The following CYFIP1 variants were observed in gnomAD, a reference collection of about 807,000 sequenced individuals.
CYFIP1 encodes the protein cytoplasmic FMR1-interacting protein 1.
Under a neutral mutation model 163.5 loss-of-function variants are expected in CYFIP1, and 58 were observed. The observed-to-expected ratio is 0.35, with a 90% CI of 0.29 to 0.44. CYFIP1 has a LOEUF of 0.44. Ranked by LOEUF, CYFIP1 falls within the 20% of genes least tolerant of loss-of-function variation. The pLI, the probability that CYFIP1 is intolerant of heterozygous loss-of-function variation, is 1.00. For synonymous variants in CYFIP1, 663 were observed against 660.7 expected, an observed-to-expected ratio of 1.00 and a Z score of -0.05; for missense variants, 1,338 against 1,653.8, an observed-to-expected ratio of 0.81 and a Z score of 3.31.
intron 13 of CYFIP1, among the ~76,000 whole-genome samples, chr15:22,920,843 AAAAAG>A (rs974364073): frequency 4.6e-5 from 7 of 152,180 alleles, no homozygotes; most frequent in African/African-American, 1.7e-4. Flanking sequence ...CCAATCAACA[AAAAAG>A]AAAAGTTCTA....
At chr15:22,934,010 A>G (rs2061621670) in intron 9 of CYFIP1, 117 bp from the exon 10 acceptor site, 1 of 653,752 alleles carries the variant, frequency 1.5e-6, no homozygotes, top group Non-Finnish European at 2.6e-6. Context: ...ACCTCTGCAA[A>G]TGATTCATTA....
chr15:22,916,694 C>T (rs2142102368), intron 15 of CYFIP1, 64 bp from the exon 16 acceptor site: 3 of 1,614,114 alleles, frequency 1.9e-6, no homozygotes, highest in Non-Finnish European at 2.5e-6. Flanking sequence ...TTATGCCAAA[C>T]TCAAAAAGCC....
intron 1 of CYFIP1, among the ~76,000 whole-genome samples, chr15:22,960,749 GC>G (rs1337283175): frequency 6.6e-6 from 1 of 152,222 alleles, no homozygotes; most frequent in Non-Finnish European, 1.5e-5. Flanking sequence ...CATGAGACAA[GC>G]CTGACAATAC....
chr15:22,891,600 C>T (rs897026057), intron 23 of CYFIP1, among the ~76,000 whole-genome samples: 1 of 152,212 alleles, frequency 6.6e-6, no homozygotes, highest in African/African-American at 2.4e-5. Context: ...GTAAAAAGGC[C>T]GCCCCCGGCC....
At chr15:22,908,995 C>T (rs760182596) in intron 21 of CYFIP1, among the ~76,000 whole-genome samples, 199 bp downstream of exon 21, 20 of 151,842 alleles carry the variant, frequency 1.3e-4, no homozygotes, top group African/African-American at 1.9e-4. Flanking sequence ...GTATAGGCCA[C>T]GCCCGATGAG....
At chr15:22,878,599 G>A (rs1371028212) in intron 26 of CYFIP1, among the ~76,000 whole-genome samples, 1 of 150,924 alleles carries the variant, frequency 6.6e-6, no homozygotes, top group East Asian at 2.0e-4. Flanking sequence ...CAATGTAAAG[G>A]AATGTCTTCA....
chr15:22,979,994 G>C (rs1196465555), intron 1 of CYFIP1, among the ~76,000 whole-genome samples: 2 of 152,118 alleles, frequency 1.3e-5, no homozygotes, highest in Non-Finnish European at 2.9e-5. Flanking sequence ...ACGCGGGGGC[G>C]GGGAGCTCGG....
chr15:22,914,660 C>T, intron 17 of CYFIP1, 66 bp downstream of exon 17: 3 of 1,502,594 alleles, frequency 2.0e-6, no homozygotes, highest in Non-Finnish European at 1.8e-6. Flanking sequence ...GGCCTCTCCG[C>T]CACCTCCTCT....
intron 25 of CYFIP1, 122 bp from the exon 26 acceptor site, chr15:22,880,165 G>A (rs540788049): frequency 1.5e-6 from 2 of 1,322,808 alleles, no homozygotes; most frequent in East Asian, 4.6e-5. Flanking sequence ...TATAAGGACA[G>A]CCACAACGTC....
chr15:22,921,623 C>G lies in CYFIP1; in HGVS notation c.1360-2765G>C, dbSNP rs2061180473. Reference sequence around the variant, plus strand: ...TTGAGGTCAGGAGTTCAAGACCAGCCAGGCCAACATTGGTGAAACCCTGTA... The same window carrying G: ...TTGAGGTCAGGAGTTCAAGACCAGCGAGGCCAACATTGGTGAAACCCTGTA... On this transcript the variant is annotated intron_variant, in intron 13 of 30. Coordinates refer to ENST00000617928, the MANE Select transcript of CYFIP1 (RefSeq NM_014608.6). Among the ~76,000 whole-genome samples the G allele has an allele frequency of 2.6e-5, 4 of 151,664 alleles. No homozygotes were observed. In the South Asian group the frequency reaches 8.3e-4, roughly 32 times the overall value.
intron 12 of CYFIP1, among the ~76,000 whole-genome samples, chr15:22,927,141 A>G (rs1189197860): frequency 2.0e-5 from 3 of 152,228 alleles, no homozygotes; most frequent in Non-Finnish European, 4.4e-5. Flanking sequence ...GTTTGAGACC[A>G]GCCTGGCCCA....
Position 22,892,965 on chromosome 15 carries a change from T to C in CYFIP1, c.2601A>G (p.Thr867=), listed in dbSNP as rs1423821328. The C allele has an allele frequency of 6.2e-7, 1 of 1,612,294 alleles. No homozygotes were observed. The highest frequency in any genetic ancestry group is 8.5e-7 in the Non-Finnish European group (1 of 1,178,744). The change falls in exon 23 of 31, where the codon ACA becomes ACG. Residue 867 remains threonine, a synonymous_variant. Coordinates refer to ENST00000617928, the MANE Select transcript of CYFIP1 (RefSeq NM_014608.6). ...GAAATTCCTGAGAAAATGGTAACAC[T>C]GTCCGAACAAACCTAAACAAGAAAG... is the stretch of plus-strand genomic sequence containing the variant. ...YNGSTNRFVR[T]VLPFSQEFQR...
chr15:22,916,646 A>G lies in CYFIP1; in HGVS notation c.1675-16T>C, dbSNP rs2060992768. On this transcript the variant is annotated splice_polypyrimidine_tract_variant and intron_variant, in intron 15 of 30. Transcript: ENST00000617928. ...CCATGTAAAGCTGGATTATCCAAGG[A>G]AACATTTGTGGGGGAGAAAATATAC... 2 of 1,613,996 alleles carry G rather than the reference A, an allele frequency of 1.2e-6. No homozygotes were observed. Among genetic ancestry groups the G allele is most frequent in the Middle Eastern group, 1.6e-4 (1 of 6,084 alleles).
chr15:22,917,932 G>A lies in CYFIP1; in HGVS notation c.1530C>T (p.Val510=), dbSNP rs576123423. Residue 510 remains valine, a synonymous_variant, in exon 15 of 31, where the codon GTC becomes GTT. Transcript: ENST00000617928. The surrounding 1 kb of genome is among the most constrained non-coding windows in gnomAD (Gnocchi z 4.2). ...ACACGGTCTTCCTGATGGCCTGCAG[G>A]ACACTGAACACCCCACCAAGTGATC... is the stretch of plus-strand genomic sequence containing the variant. ...IKKKKNVIQS[V]LQAIRKTVCD... 6 of 1,613,080 alleles carry A rather than the reference G, an allele frequency of 3.7e-6. No homozygotes were observed. Among genetic ancestry groups the A allele is most frequent in the East Asian group, 4.5e-5 (2 of 44,848 alleles).
intron 10 of CYFIP1, 66 bp downstream of exon 10, chr15:22,933,736 G>T: frequency 8.5e-7 from 1 of 1,170,780 alleles, no homozygotes; most frequent in Non-Finnish European, 1.3e-6. Context: ...TAAGCAGGAT[G>T]TTTGAAAACC....
chr15:22,929,183 A>G (rs7171118), intron 11 of CYFIP1, among the ~76,000 whole-genome samples: 69,145 of 150,358 alleles, frequency 0.46, 16,292 homozygotes, highest in Middle Eastern at 0.62. Context: ...TCCCGCCATC[A>G]CACGCCATCC....
chr15:22,966,529 G>A (rs945214144), intron 1 of CYFIP1, among the ~76,000 whole-genome samples: 2 of 152,038 alleles, frequency 1.3e-5, no homozygotes, highest in Non-Finnish European at 2.9e-5. Context: ...CCAGCCTCCA[G>A]AACTGTGAGC....
At chr15:22,908,970 C>T (rs1283944949) in intron 21 of CYFIP1, among the ~76,000 whole-genome samples, 2 of 148,382 alleles carry the variant, frequency 1.3e-5, no homozygotes, top group African/African-American at 5.0e-5. Flanking sequence ...ATTGTGAACA[C>T]TGAGTGTAGG....
chr15:22,916,679 A>G (rs1239710427), intron 15 of CYFIP1, 49 bp from the exon 16 acceptor site: 4 of 1,614,010 alleles, frequency 2.5e-6, no homozygotes, highest in Non-Finnish European at 3.4e-6. Flanking sequence ...TACATGGTAC[A>G]TTAGTTATGC....
Sources: gnomAD v4.1 joint callset for allele counts (sites outside exome capture counted in the v4.1 genomes callset) on GRCh38, gnomAD v4.1.1 for gene constraint, Gnocchi (gnomAD v3.1) non-coding constraint, MANE v1.5 for transcripts, NCBI Gene and HGNC (gene_info 2026-07-23, HGNC 2026-07-21) for gene names.